The following PITPNM2 variants were observed in gnomAD, a reference collection of about 807,000 sequenced individuals.
PITPNM2 encodes the protein phosphatidylinositol transfer protein membrane associated 2, also known as membrane-associated phosphatidylinositol transfer protein 2.
A neutral mutation model predicts 132.2 loss-of-function variants in PITPNM2; 35 were observed. That is an observed-to-expected ratio of 0.26 (90% CI 0.20 to 0.35). The LOEUF is 0.35. Among genes scored for constraint, PITPNM2 ranks in the 10% least tolerant of loss-of-function variants. PITPNM2 has a pLI of 1.00. For synonymous variants in PITPNM2, 738 were observed against 799.2 expected (o/e 0.92, Z 1.29); for missense variants, 1,332 against 1,912.0 (o/e 0.70, Z 5.66).
chr12:123,053,624 A>C (rs2040931579), intron 2 of PITPNM2, among the ~76,000 whole-genome samples: 1 of 146,434 alleles, frequency 6.8e-6, no homozygotes, highest in Admixed American at 6.9e-5. Flanking sequence ...CTGGAGTGCA[A>C]TGGCGTGATC....
At chr12:123,055,597 G>A (rs937207329) in intron 2 of PITPNM2, among the ~76,000 whole-genome samples, 2 of 152,184 alleles carry the variant, frequency 1.3e-5, no homozygotes, top group Admixed American at 1.3e-4. Context: ...TGTACACACC[G>A]TTCTGCTCTG....
intron 1 of PITPNM2, among the ~76,000 whole-genome samples, chr12:123,120,208 G>C (rs2043009544): frequency 6.6e-6 from 1 of 152,176 alleles, no homozygotes; most frequent in Non-Finnish European, 1.5e-5. Flanking sequence ...AGAGCATTCA[G>C]GACCTGAGTT....
chr12:123,113,913 C>T (rs1259118363), intron 1 of PITPNM2, among the ~76,000 whole-genome samples: 1 of 152,178 alleles, frequency 6.6e-6, no homozygotes, highest in East Asian at 1.9e-4. Context: ...TTTGCCTATT[C>T]TAGATACTTC....
At chr12:123,114,000 C>T (rs1336842102) in intron 1 of PITPNM2, among the ~76,000 whole-genome samples, 1 of 152,120 alleles carries the variant, frequency 6.6e-6, no homozygotes, top group Non-Finnish European at 1.5e-5. Context: ...TGAGGTTCAC[C>T]AATGTTATAG....
chr12:123,018,070 T>C (rs922540299), intron 3 of PITPNM2, among the ~76,000 whole-genome samples: 2 of 135,056 alleles, frequency 1.5e-5, no homozygotes, highest in Non-Finnish European at 1.6e-5. Context: ...TCTCTCTCTC[T>C]CTCTCTCTTT....
chr12:123,124,861 G>A (rs1481736340), intron 1 of PITPNM2, among the ~76,000 whole-genome samples: 1 of 152,152 alleles, frequency 6.6e-6, no homozygotes, highest in African/African-American at 2.4e-5. Context: ...TGTAATCTAT[G>A]AGTTTGTAAG....
intron 2 of PITPNM2, chr12:123,084,604 G>A (rs1215207953): frequency 2.0e-5 from 3 of 152,148 alleles, no homozygotes; most frequent in African/African-American, 7.2e-5. Flanking sequence ...AGAGACGAAC[G>A]CTTAGCCTAC....
At chr12:123,118,736 G>A (rs941845666) in intron 1 of PITPNM2, among the ~76,000 whole-genome samples, 24 of 152,160 alleles carry the variant, frequency 1.6e-4, no homozygotes, top group South Asian at 2.1e-4. Context: ...CCCCGCCTGC[G>A]GCCTGACTGG....
At chr12:123,129,111 G>A (rs1297518746) in intron 1 of PITPNM2, among the ~76,000 whole-genome samples, 3 of 152,044 alleles carry the variant, frequency 2.0e-5, no homozygotes, top group African/African-American at 7.2e-5. Flanking sequence ...ACTCCAGCCT[G>A]GGCAACAAAA....
chr12:123,116,405 T>A (rs1267871351), intron 1 of PITPNM2, among the ~76,000 whole-genome samples: 1 of 152,006 alleles, frequency 6.6e-6, no homozygotes, highest in Non-Finnish European at 1.5e-5. Flanking sequence ...GTCCCAGTGC[T>A]TCAGGAGGCC....
intron 2 of PITPNM2, chr12:123,105,224 T>G (rs959643896): frequency 6.6e-6 from 1 of 152,196 alleles, no homozygotes. Context: ...CCATCTGATG[T>G]GCTTACAGGT....
Position 122,994,749 on chromosome 12 carries a change from G to T in PITPNM2, c.2233+52C>A, listed in dbSNP as rs1266733144. The T allele has an allele frequency of 1.3e-6, 2 of 1,510,314 alleles. No homozygotes were observed. The highest frequency in any genetic ancestry group is 1.8e-6 in the Non-Finnish European group (2 of 1,119,212). The allele number at this position is 1,510,314 out of a possible 1,614,324, so 93.6% of individuals were successfully genotyped here. On this transcript the variant is annotated intron_variant, in intron 15 of 25. Coordinates refer to ENST00000320201, the MANE Select transcript of PITPNM2 (RefSeq NM_020845.3). This position sits in a 1 kb window ranked among gnomAD's most constrained non-coding sequence, Gnocchi z 5.4. Reference sequence around the variant, plus strand: ...ATCACAGGGGTCCACTGAGACCCCCGCCCCCGCACCCAGTGCATGTACCCC... The same window carrying T: ...ATCACAGGGGTCCACTGAGACCCCCTCCCCCGCACCCAGTGCATGTACCCC...
intron 3 of PITPNM2, among the ~76,000 whole-genome samples, chr12:123,027,487 T>C (rs1287475540): frequency 1.3e-5 from 2 of 152,226 alleles, no homozygotes; most frequent in African/African-American, 2.4e-5. Context: ...ACTGGTATCA[T>C]TAGGCCAGCT....
At position 123,009,420 on chromosome 12, in the gene PITPNM2, G is replaced by A. The variant is rs1173491767; in HGVS notation, c.643+430C>T. 6.6e-6 allele frequency among the ~76,000 whole-genome samples: 1 copy of A among 152,204 alleles called. No individual in the cohort carries two copies. Among genetic ancestry groups the A allele is most frequent in the African/African-American group, 2.4e-5 (1 of 41,446 alleles). On this transcript the variant is annotated intron_variant, in intron 6 of 25. Coordinates refer to ENST00000320201, the MANE Select transcript of PITPNM2 (RefSeq NM_020845.3). This position sits in a 1 kb window ranked among gnomAD's most constrained non-coding sequence, Gnocchi z 4.8. ...GGGAGCTTCCAGCCCAGTGAGGGAG[G>A]CTGAGCTGTGGCCCTGGGTTCTGGG...
intron 2 of PITPNM2, among the ~76,000 whole-genome samples, chr12:123,102,595 C>G (rs1401562891): frequency 6.6e-6 from 1 of 152,214 alleles, no homozygotes; most frequent in African/African-American, 2.4e-5. Flanking sequence ...AGCCCTCATA[C>G]TGAGGAGTGT....
chr12:123,032,405 A>G (rs140346065), intron 3 of PITPNM2, among the ~76,000 whole-genome samples: 14,583 of 152,172 alleles, frequency 0.096, 2,336 homozygotes, highest in African/African-American at 0.33. Flanking sequence ...TGAACCCAGG[A>G]GGTGGAGGTT....
At position 123,005,364 on chromosome 12, in the gene PITPNM2, G is replaced by A. The variant is rs761147714; in HGVS notation, c.828C>T (p.Val276=). The change falls in exon 7 of 26, where the codon GTC becomes GTT. Residue 276 remains valine (V), a synonymous_variant. Transcript: ENST00000320201. This position sits in a 1 kb window ranked among gnomAD's most constrained non-coding sequence, Gnocchi z 6.2. ...EATELVKHEA[V]SDQTSGEPPE... ...GGGGCTCCCCAGAGGTCTGGTCCGA[G>A]ACGGCTTCGTGCTTGACGAGCTCAG... is the stretch of plus-strand genomic sequence containing the variant. The A allele has an allele frequency of 1.2e-6, 2 of 1,614,164 alleles. No homozygotes were observed. Among genetic ancestry groups the A allele is most frequent in the Non-Finnish European group, 1.7e-6 (2 of 1,180,030 alleles).
intron 2 of PITPNM2, chr12:123,092,479 G>C (rs2042294641): frequency 6.6e-6 from 1 of 152,272 alleles, no homozygotes; most frequent in Non-Finnish European, 1.5e-5. Flanking sequence ...GACAAAGCAA[G>C]ATTAAACAAA....
chr12:122,997,008 C>T (rs1042817138), intron 11 of PITPNM2, 98 bp from the exon 12 acceptor site: 33 of 1,222,460 alleles, frequency 2.7e-5, no homozygotes, highest in Non-Finnish European at 3.2e-5. Context: ...ACTCAGCATA[C>T]GCTAGTGAGG....
Sources: gnomAD v4.1 joint callset for allele counts (sites outside exome capture counted in the v4.1 genomes callset) on GRCh38, gnomAD v4.1.1 for gene constraint, Gnocchi (gnomAD v3.1) non-coding constraint, MANE v1.5 for transcripts, NCBI Gene and HGNC (gene_info 2026-07-23, HGNC 2026-07-21) for gene names.